DPP6: variants seen among roughly 807,000 people sequenced by gnomAD.
DPP6 encodes dipeptidyl peptidase like 6.
A neutral mutation model predicts 122.6 loss-of-function variants in DPP6; 69 were observed. That is an observed-to-expected ratio of 0.56 (90% CI 0.46 to 0.69). DPP6 has a LOEUF of 0.69. Ranked by LOEUF, DPP6 falls within the 30% of genes least tolerant of loss-of-function variation. DPP6 has a pLI of 0.00. For missense variants in DPP6, 928 were observed against 1,116.9 expected (o/e 0.83, Z 2.41); for synonymous variants, 418 against 433.1 (o/e 0.97, Z 0.43).
chr7:154,891,990 A>G (rs778089615), intron 25 of DPP6, among the ~76,000 whole-genome samples: 2 of 152,166 alleles, frequency 1.3e-5, no homozygotes, highest in Non-Finnish European at 2.9e-5. Context: ...GTGTTGAATG[A>G]AGAGCTTCCC....
At chr7:154,645,358 C>T (rs904635013) in intron 6 of DPP6, among the ~76,000 whole-genome samples, 23 of 152,136 alleles carry the variant, frequency 1.5e-4, no homozygotes, top group South Asian at 4.1e-4. Flanking sequence ...AGCCACTGCG[C>T]CCGGCCTGTT....
rs979839877 is a variant in DPP6, at chr7:154,624,251, C to T, written c.628-13570C>T. Reference sequence around the variant, plus strand: ...GCTGAGGCAGAGAATTGCTTGAACCCGGGAGGCAGAGGTTGCAGTGAGCCA... The same window carrying T: ...GCTGAGGCAGAGAATTGCTTGAACCTGGGAGGCAGAGGTTGCAGTGAGCCA... On this transcript the variant is annotated intron_variant, in intron 5 of 25. Coordinates refer to ENST00000377770, the MANE Select transcript of DPP6 (RefSeq NM_130797.4). This position sits in a 1 kb window ranked among gnomAD's most constrained non-coding sequence, Gnocchi z 4.7. Among the ~76,000 whole-genome samples the T allele has an allele frequency of 1.2e-4, 18 of 151,086 alleles. No homozygotes were observed. The highest frequency in any genetic ancestry group is 3.4e-4 in the African/African-American group (14 of 41,032).
intron 1 of DPP6, among the ~76,000 whole-genome samples, chr7:154,085,820 C>A (rs1250051967): frequency 1.3e-5 from 2 of 152,136 alleles, no homozygotes; most frequent in Non-Finnish European, 2.9e-5. Flanking sequence ...CTCTGCCTTC[C>A]AGGTTCAAGC....
At chr7:154,023,318 GCACACA>G (rs1554436897) in intron 1 of DPP6, among the ~76,000 whole-genome samples, 1,529 of 129,606 alleles carry the variant, frequency 0.012, 50 homozygotes, top group African/African-American at 0.043. Flanking sequence ...TTTCTTGTCT[GCACACA>G]CACACACACA....
At position 153,908,297 on chromosome 7, in the gene DPP6, A is replaced by T. The variant is rs568961957; in HGVS notation, c.51+20563A>T. On this transcript the variant is annotated intron_variant, in intron 1 of 25. Transcript: ENST00000404039. ...AAGGGCTAAGAAATGTGTTCATCCC[A>T]CAGAGGATGAAACAACAGACTTGGT... Among the ~76,000 whole-genome samples, 4 of 152,144 alleles carry T rather than the reference A, an allele frequency of 2.6e-5. No homozygotes were observed. The South Asian group carries it at 8.3e-4, about 32-fold the overall frequency.
intron 1 of DPP6, among the ~76,000 whole-genome samples, chr7:153,966,826 G>C (rs1795766584): frequency 6.6e-6 from 1 of 151,210 alleles, no homozygotes; most frequent in Non-Finnish European, 1.5e-5. Flanking sequence ...CAGCACTTTG[G>C]GAGGCTGAGA....
chr7:154,415,080 T>C (rs2151214683), intron 1 of DPP6, among the ~76,000 whole-genome samples: 1 of 152,278 alleles, frequency 6.6e-6, no homozygotes, highest in South Asian at 2.1e-4. Context: ...GCATGCTTCC[T>C]TCCACACCCT....
chr7:153,831,819 G>T, the DPP6 span, among the ~76,000 whole-genome samples: 74 of 152,312 alleles, frequency 4.9e-4, no homozygotes, highest in African/African-American at 1.7e-3. Context: ...AGACCAGAGA[G>T]GGAAGAAGAT....
At chr7:154,696,241 G>C (rs114483798) in intron 7 of DPP6, among the ~76,000 whole-genome samples, 2 of 152,192 alleles carry the variant, frequency 1.3e-5, no homozygotes, top group Non-Finnish European at 2.9e-5. Flanking sequence ...ACAGCCACCC[G>C]GGCCCCTGGG....
At chr7:153,978,097 T>G (rs1242099983) in intron 1 of DPP6, among the ~76,000 whole-genome samples, 1 of 152,234 alleles carries the variant, frequency 6.6e-6, no homozygotes, top group Non-Finnish European at 1.5e-5. Context: ...TCAAGTGATA[T>G]TTCTAGTTCT....
At chr7:154,148,156 G>A (rs1796211384) in intron 1 of DPP6, among the ~76,000 whole-genome samples, 1 of 145,642 alleles carries the variant, frequency 6.9e-6, no homozygotes, top group South Asian at 2.1e-4. Context: ...AAAGTCTGAA[G>A]GGAGTCACCT....
chr7:153,822,714 C>CA, the DPP6 span, among the ~76,000 whole-genome samples: 3 of 151,984 alleles, frequency 2.0e-5, no homozygotes, highest in South Asian at 2.1e-4. Context: ...CTGTGGTGGA[C>CA]AAAAAATAAT....
intron 8 of DPP6, among the ~76,000 whole-genome samples, chr7:154,758,884 T>C (rs6597418): frequency 0.27 from 40,718 of 152,064 alleles, 5,648 homozygotes; most frequent in African/African-American, 0.3. Context: ...AGCTGGAGCC[T>C]GGGTCCCACC....
At chr7:154,670,748 C>T (rs570102576) in intron 7 of DPP6, among the ~76,000 whole-genome samples, 94 of 152,242 alleles carry the variant, frequency 6.2e-4, no homozygotes, top group African/African-American at 2.0e-3. Context: ...AGAATTGTAT[C>T]GGATAGGCTG....
upstream of DPP6, among the ~76,000 whole-genome samples, chr7:153,886,880 A>C (rs1798940647): frequency 6.6e-6 from 1 of 152,054 alleles, no homozygotes; most frequent in African/African-American, 2.4e-5. Context: ...CAGCCGATCA[A>C]TAGTTAACAC....
intron 19 of DPP6, among the ~76,000 whole-genome samples, chr7:154,873,027 G>A (rs945975251): frequency 6.6e-6 from 1 of 152,250 alleles, no homozygotes; most frequent in Non-Finnish European, 1.5e-5. Flanking sequence ...AAGACACAGA[G>A]ACACAAGATG....
intron 5 of DPP6, among the ~76,000 whole-genome samples, chr7:154,623,319 C>T (rs1266284292): frequency 1.3e-5 from 2 of 152,126 alleles, no homozygotes; most frequent in African/African-American, 2.4e-5. Context: ...GGAACTTTGT[C>T]CATCGCTGTG....
chr7:154,567,351 A>G (rs201944375), intron 5 of DPP6, among the ~76,000 whole-genome samples: 1 of 152,188 alleles, frequency 6.6e-6, no homozygotes, highest in African/African-American at 2.4e-5. Flanking sequence ...TGAAGCTATC[A>G]CTTCCACTAT....
intron 1 of DPP6, among the ~76,000 whole-genome samples, chr7:154,301,049 C>T (rs561088891): frequency 6.6e-6 from 1 of 152,242 alleles, no homozygotes; most frequent in East Asian, 1.9e-4. Flanking sequence ...GGTTCAAGTT[C>T]TGCTGTGACT....
Sources: gnomAD v4.1 joint callset for allele counts (sites outside exome capture counted in the v4.1 genomes callset) on GRCh38, gnomAD v4.1.1 for gene constraint, Gnocchi (gnomAD v3.1) non-coding constraint, MANE v1.5 for transcripts, NCBI Gene and HGNC (gene_info 2026-07-23, HGNC 2026-07-21) for gene names.